The following CD84 variants were observed in gnomAD, a reference collection of about 807,000 sequenced individuals.
CD84 encodes CD84 molecule, also known as SLAM family member 5.
In CD84, 22 loss-of-function variants were observed where a neutral mutation model predicts 33.8. That is an observed-to-expected ratio of 0.65 (90% CI 0.46 to 0.93). The LOEUF is 0.93. Among genes scored for constraint, CD84 ranks in the 40% least tolerant of loss-of-function variants. CD84 has a pLI of 0.00. For missense variants in CD84, 400 were observed against 397.6 expected, an observed-to-expected ratio of 1.01 and a Z score of -0.05; for synonymous variants, 154 against 145.2, an observed-to-expected ratio of 1.06 and a Z score of -0.44.
intron 1 of CD84, among the ~76,000 whole-genome samples, chr1:160,572,072 T>C (rs1657727951): frequency 6.6e-6 from 1 of 152,214 alleles, no homozygotes; most frequent in Admixed American, 6.5e-5. Context: ...AGGAAGAGGC[T>C]GCTTGGTGAA....
At chr1:160,566,840 A>ATT (rs1657359934) in intron 1 of CD84, among the ~76,000 whole-genome samples, 1 of 152,142 alleles carries the variant, frequency 6.6e-6, no homozygotes, top group African/African-American at 2.4e-5. Flanking sequence ...TGAAAAGCTT[A>ATT]TTTTCTCCTC....
intron 4 of CD84, among the ~76,000 whole-genome samples, chr1:160,552,375 A>C (rs74124860): frequency 0.017 from 2,523 of 152,250 alleles, 84 homozygotes; most frequent in African/African-American, 0.057. Flanking sequence ...CCTCCTCCGT[A>C]CCATGCCCCA....
At chr1:160,552,689 G>C (rs1462231749) in intron 4 of CD84, 3 of 1,537,494 alleles carry the variant, frequency 2.0e-6, no homozygotes, top group Middle Eastern at 1.7e-4. Flanking sequence ...AAGGAACTTT[G>C]TGGCTGAGAA....
intron 1 of CD84, among the ~76,000 whole-genome samples, chr1:160,575,494 A>AATACACAC (rs5778167): frequency 1.4e-5 from 2 of 146,706 alleles, no homozygotes; most frequent in South Asian, 2.2e-4. Flanking sequence ...GTTCCTTCAA[A>AATACACAC]ACACACACAC....
At chr1:160,568,104 G>T (rs879504920) in intron 1 of CD84, among the ~76,000 whole-genome samples, 14 of 152,112 alleles carry the variant, frequency 9.2e-5, no homozygotes, top group Admixed American at 5.9e-4. Context: ...ACCACTCTGT[G>T]GATTGAGATT....
Position 160,553,940 on chromosome 1 carries a change from C to T in CD84, c.595G>A (p.Val199Ile), listed in dbSNP as rs1322053920. 1.2e-6 allele frequency: 2 copies of T among 1,614,094 alleles called. No homozygotes were observed. The highest frequency in any genetic ancestry group is 1.7e-6 in the Non-Finnish European group (2 of 1,180,050). The change falls in exon 3 of 7, where the codon GTC (valine) becomes ATC (isoleucine). Residue 199 changes from valine to isoleucine, a missense_variant. Transcript: ENST00000368054. ...GAGATGGAGTCAGAATTGTTGCTGA[C>T]AGGGTTCTGGGCTGTACACGTGTAA... ...LTYTCTAQNP[V>I]SNNSDSISAR...
chr1:160,568,898 G>T (rs982216784), intron 1 of CD84, among the ~76,000 whole-genome samples: 9 of 152,158 alleles, frequency 5.9e-5, no homozygotes, highest in Non-Finnish European at 1.3e-4. Flanking sequence ...TGGGATTACA[G>T]GTCACAAAAC....
rs1557963188 is a variant in CD84, at chr1:160,544,491, G to C, written c.*3765C>G. 6.6e-6 allele frequency: 1 copy of C among 152,016 alleles called. No individual in the cohort carries two copies. 9.4% of individuals were successfully genotyped at this position (152,016 alleles called of 1,614,324 possible). A position where few individuals can be genotyped will look rare whatever the true frequency, so the allele number is the denominator to read the frequency against. The stretch of plus-strand genomic sequence containing the variant: ...AGTAGACACTGTCACTAATTATTGA[G>C]AAAATTTATACAAATCAAGGGAAAT... On this transcript the variant is annotated 3_prime_UTR_variant, in exon 7 of 7. Coordinates refer to ENST00000368054, the MANE Select transcript of CD84 (RefSeq NM_003874.4).
rs142106690 is a variant in CD84 at position 160,570,615 on chromosome 1, C to T, written c.47-4870G>A. 8.5e-5 allele frequency among the ~76,000 whole-genome samples: 13 copies of T among 152,290 alleles called. No individual in the cohort carries two copies. In the East Asian group the frequency reaches 2.5e-3, roughly 29 times the overall value. On this transcript the variant is annotated intron_variant, in intron 1 of 6. Transcript: ENST00000368054. ...GTGGCTCACATCTGTAATCCCAACA[C>T]TTTGGGAGGCCAAGGCAGGTGGATC... is the stretch of plus-strand genomic sequence containing the variant.
At chr1:160,576,633 G>A (rs1658006752) in intron 1 of CD84, among the ~76,000 whole-genome samples, 1 of 152,090 alleles carries the variant, frequency 6.6e-6, no homozygotes, top group South Asian at 2.1e-4. Context: ...GCATCAATGT[G>A]GGTGGAGGCA....
intron 4 of CD84, among the ~76,000 whole-genome samples, chr1:160,551,877 C>T: frequency 6.6e-6 from 1 of 152,194 alleles, no homozygotes; most frequent in East Asian, 1.9e-4. Flanking sequence ...TTATTAAGCA[C>T]CTTCTATGTG....
rs1299702854 is a variant in CD84 at position 160,557,146 on chromosome 1, T to C, written c.389-3000A>G. Among the ~76,000 whole-genome samples the C allele has an allele frequency of 2.6e-5, 4 of 152,246 alleles. No individual in the cohort carries two copies. The East Asian group carries it at 7.7e-4, about 29-fold the overall frequency. The stretch of plus-strand genomic sequence containing the variant: ...TCATTTAATACCATCAATTACGATC[T>C]ACATTCTATAAGTGAGGAAACTTTG... On this transcript the variant is annotated intron_variant, in intron 2 of 6. Coordinates refer to ENST00000368054, the MANE Select transcript of CD84 (RefSeq NM_003874.4).
At chr1:160,566,305 G>C (rs1277066634) in intron 1 of CD84, among the ~76,000 whole-genome samples, 2 of 152,170 alleles carry the variant, frequency 1.3e-5, no homozygotes, top group Admixed American at 6.5e-5. Flanking sequence ...ATATTTTTCT[G>C]TTTACTTCCA....
chr1:160,574,307 A>G (rs1657869501), intron 1 of CD84, among the ~76,000 whole-genome samples: 1 of 152,144 alleles, frequency 6.6e-6, no homozygotes, highest in Non-Finnish European at 1.5e-5. Flanking sequence ...GGCTAACTGC[A>G]ATTTCTTTCT....
intron 1 of CD84, among the ~76,000 whole-genome samples, chr1:160,570,525 C>G (rs1455525981): frequency 1.3e-5 from 2 of 152,146 alleles, no homozygotes. Context: ...TTCAGCCCAA[C>G]AGAATAAAAA....
intron 4 of CD84, 117 bp from the exon 5 acceptor site, chr1:160,551,152 T>C (rs1656194827): frequency 1.3e-6 from 1 of 778,520 alleles, no homozygotes; most frequent in South Asian, 1.4e-5. Flanking sequence ...ATTAAATGGC[T>C]GCCATCCTTT....
intron 6 of CD84, among the ~76,000 whole-genome samples, chr1:160,549,126 C>T (rs768494108): frequency 1.5e-4 from 23 of 152,172 alleles, no homozygotes; most frequent in Non-Finnish European, 2.4e-4. Context: ...TTCAAGCAAA[C>T]TGCCCTGTGC....
chr1:160,549,358 T>C (rs570538764), intron 6 of CD84, among the ~76,000 whole-genome samples: 1 of 152,278 alleles, frequency 6.6e-6, no homozygotes, highest in Admixed American at 6.5e-5. Flanking sequence ...TGACAATCCC[T>C]CCTTAGATCC....
intron 2 of CD84, among the ~76,000 whole-genome samples, chr1:160,560,435 T>C (rs569006111): frequency 1.3e-4 from 20 of 152,256 alleles, no homozygotes; most frequent in Middle Eastern, 6.8e-3. Context: ...ATCAAGTTCT[T>C]TGAAACTAAT....
Sources: allele counts gnomAD v4.1 joint callset (sites outside exome capture counted in the v4.1 genomes callset), GRCh38; gene constraint gnomAD v4.1.1; transcripts MANE v1.5; gene names NCBI Gene and HGNC (gene_info 2026-07-23, HGNC 2026-07-21).